The following DRD3 variants were observed in gnomAD, a reference collection of about 807,000 sequenced individuals.
DRD3 encodes D(3) dopamine receptor.
In DRD3, 19 loss-of-function variants were observed where a neutral mutation model predicts 36.3. The ratio of observed to expected loss-of-function variants is 0.52; its 90% CI spans 0.36 to 0.77. DRD3 has a LOEUF of 0.77. Among genes scored for constraint, DRD3 ranks in the 30% least tolerant of loss-of-function variants. The pLI is 0.00. For missense variants in DRD3, 465 were observed against 505.3 expected (o/e 0.92, Z 0.77); for synonymous variants, 195 against 203.7 (o/e 0.96, Z 0.36).
intron 6 of DRD3, 81 bp from the exon 7 acceptor site, chr3:114,128,993 T>G (rs982831192): frequency 2.1e-6 from 3 of 1,406,312 alleles, no homozygotes; most frequent in Non-Finnish European, 1.9e-6. Context: ...CTCACGGTTG[T>G]CTACTTTATG....
At chr3:114,187,866 G>C (rs1400817395) in intron 1 of DRD3, among the ~76,000 whole-genome samples, 1 of 152,108 alleles carries the variant, frequency 6.6e-6, no homozygotes, top group African/African-American at 2.4e-5. Context: ...TCATATTAGG[G>C]TACTTAATAG....
chr3:114,166,405 C>G (rs992576244), intron 2 of DRD3, among the ~76,000 whole-genome samples: 5 of 152,166 alleles, frequency 3.3e-5, no homozygotes, highest in African/African-American at 7.2e-5. Context: ...TGGGGTCTAA[C>G]GAGAGGTGAT....
At chr3:114,173,871 G>C (rs1255542520) in intron 1 of DRD3, among the ~76,000 whole-genome samples, 1 of 152,124 alleles carries the variant, frequency 6.6e-6, no homozygotes, top group Non-Finnish European at 1.5e-5. Flanking sequence ...GGCTGACTTG[G>C]TGGCCAGAAT....
At chr3:114,173,197 C>G (rs1402746661) in intron 1 of DRD3, among the ~76,000 whole-genome samples, 2 of 152,138 alleles carry the variant, frequency 1.3e-5, no homozygotes, top group African/African-American at 4.8e-5. Flanking sequence ...TCACCAGACA[C>G]TGAATCTTCT....
At chr3:114,157,083 T>C (rs755429459) in intron 3 of DRD3, among the ~76,000 whole-genome samples, 45 of 150,904 alleles carry the variant, frequency 3.0e-4, no homozygotes, top group Middle Eastern at 3.4e-3. Flanking sequence ...AGTCAGACTC[T>C]TGCTCTGTTG....
chr3:114,172,149 C>T (rs1042050745), intron 1 of DRD3, 122 bp from the exon 2 acceptor site: 50 of 762,894 alleles, frequency 6.6e-5, no homozygotes, highest in Non-Finnish European at 8.8e-5. Context: ...ATAGTAGGCA[C>T]TGTTGTGAGA....
At chr3:114,190,412 A>G (rs865969688) in intron 1 of DRD3, among the ~76,000 whole-genome samples, 49 of 3,314 alleles carry the variant, frequency 0.015, no homozygotes, top group South Asian at 0.029. Flanking sequence ...AAAAAGGATA[A>G]TATATATATA....
intron 5 of DRD3, among the ~76,000 whole-genome samples, chr3:114,138,621 G>A (rs2077496496): frequency 6.6e-6 from 1 of 152,162 alleles, no homozygotes; most frequent in African/African-American, 2.4e-5. Context: ...TGAGATTTGG[G>A]TGGGGACACA....
intron 1 of DRD3, among the ~76,000 whole-genome samples, chr3:114,173,875 C>A (rs2077871579): frequency 6.6e-6 from 1 of 152,088 alleles, no homozygotes. Flanking sequence ...GACTTGGTGG[C>A]CAGAATTTGC....
intron 4 of DRD3, among the ~76,000 whole-genome samples, chr3:114,142,946 G>A (rs2077539217): frequency 6.6e-6 from 1 of 152,186 alleles, no homozygotes; most frequent in Admixed American, 6.5e-5. Flanking sequence ...TGGCCAATGA[G>A]TAGGGCCTGC....
At chr3:114,174,945 G>A (rs564525382) in intron 1 of DRD3, among the ~76,000 whole-genome samples, 1 of 152,194 alleles carries the variant, frequency 6.6e-6, no homozygotes, top group African/African-American at 2.4e-5. Context: ...TTCCTCATCA[G>A]CAAAATGGAG....
chr3:114,166,789 T>C (rs1487564896), intron 2 of DRD3, among the ~76,000 whole-genome samples: 6 of 152,194 alleles, frequency 3.9e-5, no homozygotes, highest in Admixed American at 3.9e-4. Context: ...AGAGAAACCA[T>C]GTCAGTAGAA....
At chr3:114,195,570 C>A (rs1175502221) in intron 1 of DRD3, among the ~76,000 whole-genome samples, 1 of 151,996 alleles carries the variant, frequency 6.6e-6, no homozygotes, top group African/African-American at 2.4e-5. Context: ...CAGAAGATGG[C>A]AAATAGAGAG....
chr3:114,177,397 T>C (rs2077910640), intron 1 of DRD3, among the ~76,000 whole-genome samples: 1 of 152,148 alleles, frequency 6.6e-6, no homozygotes, highest in African/African-American at 2.4e-5. Context: ...GTAGCTAAGA[T>C]AACAGTTTTT....
intron 1 of DRD3, among the ~76,000 whole-genome samples, chr3:114,177,178 G>A (rs2077908045): frequency 6.6e-6 from 1 of 152,186 alleles, no homozygotes; most frequent in African/African-American, 2.4e-5. Context: ...TAATGCAGGT[G>A]CACACTGCTC....
At chr3:114,182,953 A>C (rs2077956019), upstream of DRD3, among the ~76,000 whole-genome samples, 1 of 152,218 alleles carries the variant, frequency 6.6e-6, no homozygotes, top group South Asian at 2.1e-4. Context: ...TGCTATGAAC[A>C]TAGGTGTTCA....
intron 2 of DRD3, 83 bp from the exon 3 acceptor site, chr3:114,159,950 G>T: frequency 8.3e-7 from 1 of 1,208,364 alleles, no homozygotes; most frequent in Non-Finnish European, 1.2e-6. Context: ...TTGCTTTGCT[G>T]CCTAGTGTAG....
intron 1 of DRD3, among the ~76,000 whole-genome samples, chr3:114,195,690 A>T (rs1438728832): frequency 1.3e-5 from 2 of 152,202 alleles, no homozygotes; most frequent in Non-Finnish European, 2.9e-5. Flanking sequence ...TAGCCAGTAT[A>T]TTGCCATTTT....
At chr3:114,192,310 C>A (rs2078014543) in intron 1 of DRD3, among the ~76,000 whole-genome samples, 1 of 152,056 alleles carries the variant, frequency 6.6e-6, no homozygotes, top group Non-Finnish European at 1.5e-5. Context: ...TGGCTCCCTG[C>A]AAGTCTGATT....
Sources: allele counts gnomAD v4.1 joint callset (sites outside exome capture counted in the v4.1 genomes callset), GRCh38; gene constraint gnomAD v4.1.1; transcripts MANE v1.5; gene names NCBI Gene and HGNC (gene_info 2026-07-23, HGNC 2026-07-21).